Variants in MYRIP observed in about 807,000 individuals in gnomAD.
The protein encoded by MYRIP is myosin VIIA and Rab interacting protein, also known as rab effector MyRIP.
A neutral mutation model predicts 98.0 loss-of-function variants in MYRIP; 49 were observed. The observed-to-expected ratio is 0.50, with a 90% CI of 0.40 to 0.63. The LOEUF (loss-of-function observed/expected upper bound fraction) is 0.63, where lower values mean the gene tolerates loss of function less well. MYRIP is among the 30% of genes least tolerant of loss of function. The pLI is 0.00. For synonymous variants in MYRIP, 404 were observed against 409.5 expected (o/e 0.99, Z 0.16); for missense variants, 1,004 against 1,058.2 (o/e 0.95, Z 0.71).
chr3:39,827,178 C>T (rs1050032102), intron 1 of MYRIP, among the ~76,000 whole-genome samples: 1 of 152,042 alleles, frequency 6.6e-6, no homozygotes, highest in Non-Finnish European at 1.5e-5. Flanking sequence ...GGTGGCATGA[C>T]CATAGCTCAC....
At chr3:39,991,822 C>A (rs1946187891) in intron 2 of MYRIP, among the ~76,000 whole-genome samples, 2 of 152,186 alleles carry the variant, frequency 1.3e-5, no homozygotes, top group Non-Finnish European at 2.9e-5. Flanking sequence ...TGCTGTATAA[C>A]TTTATTCATT....
At chr3:40,253,605 T>C (rs1344096109) in intron 16 of MYRIP, among the ~76,000 whole-genome samples, 3 of 152,174 alleles carry the variant, frequency 2.0e-5, no homozygotes, top group South Asian at 4.1e-4. Context: ...GCACTAGTCT[T>C]AGTGAGTTAA....
At chr3:40,165,687 C>T (rs1244290392) in intron 5 of MYRIP, among the ~76,000 whole-genome samples, 1 of 151,216 alleles carries the variant, frequency 6.6e-6, no homozygotes, top group Non-Finnish European at 1.5e-5. Flanking sequence ...CTTTTCCCAG[C>T]ACTTAGCTCC....
chr3:40,118,424 T>C (rs1949327246), intron 3 of MYRIP, among the ~76,000 whole-genome samples: 1 of 152,120 alleles, frequency 6.6e-6, no homozygotes, highest in African/African-American at 2.4e-5. Context: ...ACTGACGTAA[T>C]AGCAGATTAG....
At chr3:40,051,386 A>G (rs576574392) in intron 3 of MYRIP, among the ~76,000 whole-genome samples, 1 of 152,296 alleles carries the variant, frequency 6.6e-6, no homozygotes, top group East Asian at 1.9e-4. Context: ...GCAATAATGT[A>G]TTTTAATTAG....
intron 3 of MYRIP, among the ~76,000 whole-genome samples, chr3:40,086,827 A>G (rs1559395046): frequency 1.3e-5 from 2 of 151,912 alleles, no homozygotes; most frequent in East Asian, 3.9e-4. Context: ...CTGGGTTCAG[A>G]GAAGAGGTTT....
At chr3:39,929,628 A>G (rs1575388672) in intron 2 of MYRIP, among the ~76,000 whole-genome samples, 1 of 152,158 alleles carries the variant, frequency 6.6e-6, no homozygotes, top group East Asian at 1.9e-4. Flanking sequence ...CACAAAAGTC[A>G]CCCTTTTAAA....
chr3:39,922,711 T>C (rs1013998630), intron 2 of MYRIP, among the ~76,000 whole-genome samples: 1 of 152,046 alleles, frequency 6.6e-6, no homozygotes, highest in Non-Finnish European at 1.5e-5. Flanking sequence ...AAATCCAGAG[T>C]GTTGTCAGAG....
chr3:40,077,831 G>C (rs1948382603), intron 3 of MYRIP, among the ~76,000 whole-genome samples: 1 of 152,264 alleles, frequency 6.6e-6, no homozygotes, highest in Non-Finnish European at 1.5e-5. Flanking sequence ...AGACTCAGGA[G>C]CCCAGCTGGC....
intron 2 of MYRIP, among the ~76,000 whole-genome samples, chr3:39,959,098 C>A (rs1463527362): frequency 6.6e-6 from 1 of 152,312 alleles, no homozygotes; most frequent in African/African-American, 2.4e-5. Flanking sequence ...ACTAGCTCAA[C>A]CATTGTGGAA....
chr3:40,163,481 T>C (rs1950440115), intron 5 of MYRIP, among the ~76,000 whole-genome samples: 1 of 152,216 alleles, frequency 6.6e-6, no homozygotes, highest in Non-Finnish European at 1.5e-5. Context: ...ATTTGAATCA[T>C]AGACTGAGAA....
intron 16 of MYRIP, among the ~76,000 whole-genome samples, chr3:40,255,089 C>T (rs1234720924): frequency 2.6e-5 from 4 of 152,156 alleles, no homozygotes; most frequent in African/African-American, 9.7e-5. Context: ...CATTGGTCAG[C>T]CATTAACCCT....
chr3:39,923,689 A>C (rs1159278039), intron 2 of MYRIP, among the ~76,000 whole-genome samples: 4 of 152,176 alleles, frequency 2.6e-5, no homozygotes, highest in Non-Finnish European at 5.9e-5. Context: ...TCAAGAAGGA[A>C]GAAAGAACAT....
intron 11 of MYRIP, among the ~76,000 whole-genome samples, chr3:40,216,730 G>T (rs1179954271): frequency 6.6e-6 from 1 of 152,146 alleles, no homozygotes; most frequent in Admixed American, 6.6e-5. Flanking sequence ...AACCCTCTCA[G>T]TGTAATAGAA....
At chr3:40,080,328 T>C (rs565102483) in intron 3 of MYRIP, among the ~76,000 whole-genome samples, 8 of 152,244 alleles carry the variant, frequency 5.3e-5, no homozygotes, top group Admixed American at 2.6e-4. Context: ...TTATTAATAT[T>C]TTTGTACCTA....
chr3:40,120,466 A>T (rs1949378663), intron 3 of MYRIP, among the ~76,000 whole-genome samples: 1 of 152,240 alleles, frequency 6.6e-6, no homozygotes, highest in Admixed American at 6.5e-5. Flanking sequence ...GGCTCACATC[A>T]GTGTGTCAGG....
Position 39,878,720 on chromosome 3 carries a change from T to A in MYRIP, c.-30-22067T>A, listed in dbSNP as rs1329207703. On this transcript the variant is annotated intron_variant, in intron 1 of 16. Transcript: ENST00000302541. ...TCAATATACATAAATTTGTATTTTT[T>A]GTAGCAAATTGACTTTGATGAAAAA... Among the ~76,000 whole-genome samples the A allele has an allele frequency of 2.0e-5, 3 of 152,164 alleles. No homozygotes were observed. The East Asian group carries it at 5.8e-4, about 29-fold the overall frequency.
At chr3:39,862,090 G>A (rs1394429956) in intron 1 of MYRIP, among the ~76,000 whole-genome samples, 1 of 152,146 alleles carries the variant, frequency 6.6e-6, no homozygotes, top group Non-Finnish European at 1.5e-5. Context: ...GCCAGAGAGA[G>A]AGAAGGGGTG....
chr3:39,844,221 A>G (rs1941894049), intron 1 of MYRIP, among the ~76,000 whole-genome samples: 1 of 152,166 alleles, frequency 6.6e-6, no homozygotes, highest in African/African-American at 2.4e-5. Flanking sequence ...AAATTGATGT[A>G]GGTCCATTTT....
Sources: gnomAD v4.1 joint callset for allele counts (sites outside exome capture counted in the v4.1 genomes callset) on GRCh38, gnomAD v4.1.1 for gene constraint, MANE v1.5 for transcripts, NCBI Gene and HGNC (gene_info 2026-07-23, HGNC 2026-07-21) for gene names.